The following LOXL3 variants were observed in gnomAD, a reference collection of about 807,000 sequenced individuals.
LOXL3 encodes the protein lysyl oxidase homolog 3.
A neutral mutation model predicts 91.8 loss-of-function variants in LOXL3; 60 were observed. The observed-to-expected ratio is 0.65, with a 90% confidence interval of 0.53 to 0.81. The LOEUF (loss-of-function observed/expected upper bound fraction) is 0.81, where lower values mean the gene tolerates loss of function less well. LOXL3 is among the 30% of genes least tolerant of loss of function. The probability of loss-of-function intolerance (pLI) is 0.00; values close to 1 mark genes in which losing one functional copy is unlikely to be tolerated. For missense variants in LOXL3, 874 were observed against 1,000.4 expected, an observed-to-expected ratio of 0.87 and a Z score of 1.70; for synonymous variants, 355 against 387.6, an observed-to-expected ratio of 0.92 and a Z score of 0.99.
intron 4 of LOXL3, among the ~76,000 whole-genome samples, chr2:74,548,519 A>G (rs1676750226): frequency 6.6e-6 from 1 of 152,128 alleles, no homozygotes; most frequent in Non-Finnish European, 1.5e-5. Context: ...GCGGAAACCT[A>G]TCCGGACATC....
rs368523853 is a variant in LOXL3, at chr2:74,533,687, G to A, written c.2189-8C>T. 3.1e-6 allele frequency: 5 copies of A among 1,613,946 alleles called. No homozygotes were observed. Among genetic ancestry groups the A allele is most frequent in the Non-Finnish European group, 4.2e-6 (5 of 1,179,882 alleles). ...CTTCACTGAAGGCATCACCTGCAGA[G>A]TGGACAGGCAATTTGGGAGGCGCCC... is the stretch of plus-strand genomic sequence containing the variant. On this transcript the variant is annotated splice_polypyrimidine_tract_variant and splice_region_variant and intron_variant, in intron 13 of 13. Coordinates refer to ENST00000264094, the MANE Select transcript of LOXL3 (RefSeq NM_032603.5).
At position 74,533,518 on chromosome 2, in the gene LOXL3, A is replaced by G. The variant is rs1675778416; in HGVS notation, c.*88T>C. 1 of 1,216,270 alleles carries G rather than the reference A, an allele frequency of 8.2e-7. No individual in the cohort carries two copies. The highest frequency in any genetic ancestry group is 1.2e-6 in the Non-Finnish European group (1 of 834,308). The allele number at this position is 1,216,270 out of a possible 1,614,324, so 75.3% of individuals were successfully genotyped here. On this transcript the variant is annotated 3_prime_UTR_variant, in exon 14 of 14. Transcript: ENST00000264094. ...TGGTCTGATGAGTGCGGTTGCTGAC[A>G]TGGGTTTCTTGGTAAGCTCCTGAGG...
At chr2:74,554,706 C>G, upstream of LOXL3, 1 of 1,597,978 alleles carries the variant, frequency 6.3e-7, no homozygotes, top group Non-Finnish European at 8.5e-7. This position sits in a 1 kb window ranked among gnomAD's most constrained non-coding sequence, Gnocchi z 4.9. Context: ...GCCTCCCGCC[C>G]CGCCTCCCGC....
At position 74,539,383 on chromosome 2, in the gene LOXL3, G is replaced by C. The variant is rs13431893; in HGVS notation, c.693-2455C>G. 7.6e-3 allele frequency among the ~76,000 whole-genome samples: 1,151 copies of C among 152,270 alleles called. 14 individuals are homozygous for C. The highest frequency in any genetic ancestry group is 0.013 in the African/African-American group (559 of 41,536). On this transcript the variant is annotated intron_variant, in intron 4 of 13. Coordinates refer to ENST00000264094, the MANE Select transcript of LOXL3 (RefSeq NM_032603.5). ...CTCTCTGGATTCAGCAACAGTAATGGGAAATCTAGCGATGTCAATCCAGGT... is the reference window on the plus strand; with the variant it reads ...CTCTCTGGATTCAGCAACAGTAATGCGAAATCTAGCGATGTCAATCCAGGT...
At chr2:74,541,847 A>C (rs968874383) in intron 4 of LOXL3, among the ~76,000 whole-genome samples, 1 of 150,362 alleles carries the variant, frequency 6.7e-6, no homozygotes, top group African/African-American at 2.4e-5. Flanking sequence ...TATCTTATAA[A>C]TATTTTATAT....
intron 4 of LOXL3, among the ~76,000 whole-genome samples, chr2:74,544,528 G>C (rs139387760): frequency 5.7e-4 from 87 of 152,286 alleles, no homozygotes; most frequent in African/African-American, 2.0e-3. Flanking sequence ...TGAACTAGAA[G>C]AGTGACTTCT....
At chr2:74,546,709 A>ATTTATTTTTAT (rs780697837) in intron 4 of LOXL3, among the ~76,000 whole-genome samples, 1 of 151,838 alleles carries the variant, frequency 6.6e-6, no homozygotes, top group Non-Finnish European at 1.5e-5. Flanking sequence ...TACTTACTTA[A>ATTTATTTTTAT]TTTATTTTTA....
At chr2:74,550,874 T>C (rs1054416534) in intron 2 of LOXL3, among the ~76,000 whole-genome samples, 2 of 152,136 alleles carry the variant, frequency 1.3e-5, no homozygotes. Context: ...GCATTCTCTC[T>C]TGTGCCCGCC....
At chr2:74,547,011 G>A (rs963442774) in intron 4 of LOXL3, among the ~76,000 whole-genome samples, 2 of 151,920 alleles carry the variant, frequency 1.3e-5, no homozygotes, top group Non-Finnish European at 2.9e-5. Flanking sequence ...ACCGTGCCCG[G>A]CCTTAGTTAA....
intron 4 of LOXL3, among the ~76,000 whole-genome samples, chr2:74,543,387 G>A (rs1676426059): frequency 6.6e-6 from 1 of 151,816 alleles, no homozygotes; most frequent in South Asian, 2.1e-4. Context: ...GTAGAGATCT[G>A]AAAGTAATCT....
upstream of LOXL3, chr2:74,554,595 C>G: frequency 3.0e-6 from 2 of 670,522 alleles, no homozygotes; most frequent in South Asian, 3.8e-5. This position sits in a 1 kb window ranked among gnomAD's most constrained non-coding sequence, Gnocchi z 4.9. Flanking sequence ...GGGGTCTCCA[C>G]CATTCCTTCT....
At position 74,539,537 on chromosome 2, in the gene LOXL3, C is replaced by T. The variant is rs76965240; in HGVS notation, c.693-2609G>A. On this transcript the variant is annotated intron_variant, in intron 4 of 13. Transcript: ENST00000264094. Reference sequence around the variant, plus strand: ...GAATGAAGGTGGCTGAGGCTGGAATCCAAGCTATTTGGGGTAGGTGTAAAG... The same window carrying T: ...GAATGAAGGTGGCTGAGGCTGGAATTCAAGCTATTTGGGGTAGGTGTAAAG... Among the ~76,000 whole-genome samples the T allele has an allele frequency of 2.6e-5, 4 of 152,196 alleles. No individual in the cohort carries two copies. In the East Asian group the frequency reaches 7.7e-4, roughly 29 times the overall value.
intron 4 of LOXL3, among the ~76,000 whole-genome samples, chr2:74,542,497 A>G (rs1676378050): frequency 6.6e-6 from 1 of 151,956 alleles, no homozygotes; most frequent in Non-Finnish European, 1.5e-5. Flanking sequence ...ATCCTTTTAA[A>G]CATTCAAATC....
At chr2:74,544,840 G>A (rs1391425639) in intron 4 of LOXL3, among the ~76,000 whole-genome samples, 1 of 152,104 alleles carries the variant, frequency 6.6e-6, no homozygotes, top group Admixed American at 6.5e-5. Flanking sequence ...TCACCTGTGA[G>A]AATGCTCCCT....
chr2:74,550,372 C>T, intron 2 of LOXL3, 24 bp from the exon 3 acceptor site: 1 of 1,607,482 alleles, frequency 6.2e-7, no homozygotes, highest in Non-Finnish European at 8.5e-7. Flanking sequence ...GATGAAGGGA[C>T]AGAGAAGCTT....
Position 74,536,518 on chromosome 2 carries a change from A to C in LOXL3, c.913-47T>G. ...AACAGAGGCAAATGGCAACATCTGC[A>C]CGGAGGGCTAAGCAGACCTGGGAGA... On this transcript the variant is annotated intron_variant, in intron 5 of 13. Transcript: ENST00000264094. The surrounding 1 kb of genome is among the most constrained non-coding windows in gnomAD (Gnocchi z 4.5). 1 of 1,572,740 alleles carries C rather than the reference A, an allele frequency of 6.4e-7. No homozygotes were observed. Among genetic ancestry groups the C allele is most frequent in the Non-Finnish European group, 8.7e-7 (1 of 1,155,628 alleles).
At chr2:74,533,739 C>A in intron 13 of LOXL3, 60 bp from the exon 14 acceptor site, 1 of 1,541,404 alleles carries the variant, frequency 6.5e-7, no homozygotes. Flanking sequence ...GATAGATGCA[C>A]TGTGGAGAAG....
chr2:74,544,657 G>C (rs961636369), intron 4 of LOXL3, among the ~76,000 whole-genome samples: 3 of 152,100 alleles, frequency 2.0e-5, no homozygotes, highest in African/African-American at 7.2e-5. Context: ...ACATGTTCTA[G>C]GGTAGAACTA....
chr2:74,555,265 C>T (rs757403445), upstream of LOXL3: 2 of 1,613,966 alleles, frequency 1.2e-6, no homozygotes, highest in South Asian at 1.1e-5. This position sits in a 1 kb window ranked among gnomAD's most constrained non-coding sequence, Gnocchi z 6.1. Context: ...AGGGAGCTCG[C>T]GCCGCCTGGA....
Sources: gnomAD v4.1 joint callset for allele counts (sites outside exome capture counted in the v4.1 genomes callset) on GRCh38, gnomAD v4.1.1 for gene constraint, Gnocchi (gnomAD v3.1) non-coding constraint, MANE v1.5 for transcripts, NCBI Gene and HGNC (gene_info 2026-07-23, HGNC 2026-07-21) for gene names.